Variants in EFHC2 observed in about 807,000 individuals in gnomAD.
EFHC2 encodes the protein EF-hand domain-containing family member C2.
In EFHC2, 18 loss-of-function variants were observed where a neutral mutation model predicts 52.7. That is an observed-to-expected ratio of 0.34 (90% CI 0.24 to 0.51). The LOEUF is 0.51. EFHC2 is among the 20% of genes least tolerant of loss of function. The pLI is 0.97. For synonymous variants in EFHC2, 203 were observed against 204.1 expected (o/e 0.99, Z 0.04); for missense variants, 513 against 562.5 (o/e 0.91, Z 0.89).
Position 44,312,627 on chromosome X carries a change from T to C in EFHC2, c.172A>G (p.Ser58Gly). Residue 58 changes from serine to glycine, a missense_variant, in exon 2 of 15, where the codon AGC becomes GGC. Coordinates refer to ENST00000420999, the MANE Select transcript of EFHC2 (RefSeq NM_025184.4). ...CTTCCATCTCCTTTAGGATATATGC[T>C]ACATTTAGGCTTTATCTTTTGCCCC... is the stretch of plus-strand genomic sequence containing the variant. ...LLGQKIKPKC[S>G]IYPKGDGSDV... The C allele has an allele frequency of 8.3e-7, 1 of 1,210,383 alleles. No homozygotes were observed. The highest frequency in any genetic ancestry group is 1.1e-6 in the Non-Finnish European group (1 of 894,835).
intron 2 of EFHC2, among the ~76,000 whole-genome samples, chrX:44,280,131 C>G (rs1487215699): frequency 9.2e-6 from 1 of 109,278 alleles, no homozygotes; most frequent in East Asian, 2.9e-4. Flanking sequence ...CAAGTGATTA[C>G]AAACTGCAAG....
At chrX:44,162,443 CA>C (rs1204314109) in intron 14 of EFHC2, among the ~76,000 whole-genome samples, 1 of 111,267 alleles carries the variant, frequency 9.0e-6, no homozygotes, top group African/African-American at 3.3e-5. Context: ...ACCATCCAGC[CA>C]AAGCAAGTTC....
intron 11 of EFHC2, among the ~76,000 whole-genome samples, chrX:44,217,314 G>A (rs767003332): frequency 5.4e-5 from 6 of 111,374 alleles, no homozygotes; most frequent in African/African-American, 1.6e-4. Context: ...ACAGTTTGGA[G>A]GTTTCTCAAA....
At chrX:44,202,720 G>A (rs1479238755) in intron 11 of EFHC2, among the ~76,000 whole-genome samples, 1 of 110,559 alleles carries the variant, frequency 9.0e-6, no homozygotes, top group African/African-American at 3.3e-5. Flanking sequence ...CTGCATTTGA[G>A]CCACTGCACC....
chrX:44,156,749 C>T (rs779713865), intron 14 of EFHC2, among the ~76,000 whole-genome samples: 3 of 112,106 alleles, frequency 2.7e-5, no homozygotes, highest in Non-Finnish European at 5.6e-5. Context: ...ATATGAGAAC[C>T]GATTTAGTGT....
At position 44,176,306 on chromosome X, in the gene EFHC2, T is replaced by C. The variant is rs2036785958; in HGVS notation, c.2028A>G (p.Glu676=). 2 of 1,197,978 alleles carry C rather than the reference T, an allele frequency of 1.7e-6. No individual in the cohort carries two copies. The highest frequency in any genetic ancestry group is 2.3e-6 in the Non-Finnish European group (2 of 887,104). ...SRLPLSDDLL[E]SLLSRFEDSE... ...CTCTAACTTACCTTGACAATAAGGATTCTAGAAGATCATCACTCAAAGGTA... is the reference window on the plus strand; with the variant it reads ...CTCTAACTTACCTTGACAATAAGGACTCTAGAAGATCATCACTCAAAGGTA... Residue 676 remains glutamate, a synonymous_variant, in exon 13 of 15, where the codon GAA becomes GAG. Transcript: ENST00000420999.
intron 13 of EFHC2, among the ~76,000 whole-genome samples, chrX:44,164,266 G>C (rs937693423): frequency 7.1e-5 from 8 of 111,984 alleles, no homozygotes; most frequent in Non-Finnish European, 1.5e-4. Flanking sequence ...GCACTTAGTA[G>C]GTGTTCAATA....
intron 11 of EFHC2, among the ~76,000 whole-genome samples, chrX:44,190,213 T>A (rs1303373200): frequency 8.9e-6 from 1 of 111,824 alleles, no homozygotes; most frequent in African/African-American, 3.3e-5. Flanking sequence ...ATCCTGGTAG[T>A]GTCCACCAGC....
At chrX:44,183,241 C>A in intron 11 of EFHC2, among the ~76,000 whole-genome samples, 1 of 111,819 alleles carries the variant, frequency 8.9e-6, no homozygotes, top group East Asian at 2.8e-4. Context: ...GTTTTGGCGA[C>A]AATTAGGTAG....
At chrX:44,310,493 A>C in intron 2 of EFHC2, 1 of 510,426 alleles carries the variant, frequency 2.0e-6, no homozygotes. Flanking sequence ...AGCGCGGCAA[A>C]GGAGAGTGAG....
chrX:44,339,998 G>A (rs897506889), intron 1 of EFHC2, among the ~76,000 whole-genome samples: 1 of 111,449 alleles, frequency 9.0e-6, no homozygotes, highest in East Asian at 2.8e-4. Flanking sequence ...TGAGTCCAAG[G>A]TACTGTCATT....
intron 11 of EFHC2, among the ~76,000 whole-genome samples, chrX:44,187,957 GA>G (rs199954943): frequency 3.2e-4 from 23 of 71,178 alleles, no homozygotes; most frequent in South Asian, 1.0e-3. Context: ...AGAAGTAAAA[GA>G]AAAAAAAAAG....
Position 44,276,517 on chromosome X carries a change from T to A in EFHC2, c.232-3681A>T, listed in dbSNP as rs185279960. Among the ~76,000 whole-genome samples, 12 of 112,330 alleles carry A rather than the reference T, an allele frequency of 1.1e-4. No homozygotes were observed. The East Asian group carries it at 3.1e-3, about 29-fold the overall frequency. On this transcript the variant is annotated intron_variant, in intron 2 of 14. Transcript: ENST00000420999. Reference sequence around the variant, plus strand: ...TGATTTCCTCATTACAAAGGAAAAATTTTAAATGTTAATGTTTCTGAATTC... The same window carrying A: ...TGATTTCCTCATTACAAAGGAAAAAATTTAAATGTTAATGTTTCTGAATTC...
intron 13 of EFHC2, among the ~76,000 whole-genome samples, chrX:44,164,913 T>G (rs1479942904): frequency 8.9e-6 from 1 of 111,960 alleles, no homozygotes; most frequent in East Asian, 2.8e-4. Flanking sequence ...AATTCTTCCT[T>G]AACCATAATA....
chrX:44,286,830 A>G (rs2147364131), intron 2 of EFHC2, among the ~76,000 whole-genome samples: 1 of 106,493 alleles, frequency 9.4e-6, no homozygotes, highest in South Asian at 4.2e-4. Context: ...CCTGGGCAAC[A>G]TAGTGAAACC....
chrX:44,164,558 C>T (rs2036681906), intron 13 of EFHC2, among the ~76,000 whole-genome samples: 1 of 111,582 alleles, frequency 9.0e-6, no homozygotes, highest in Non-Finnish European at 1.9e-5. Flanking sequence ...AATTTGCTAT[C>T]GTATAAATAT....
intron 3 of EFHC2, among the ~76,000 whole-genome samples, chrX:44,262,278 T>C (rs2037544578): frequency 9.2e-6 from 1 of 109,167 alleles, no homozygotes; most frequent in African/African-American, 3.3e-5. Context: ...GCAGATTGCT[T>C]GAGCCCAAGA....
At chrX:44,199,405 C>T (rs948167536) in intron 11 of EFHC2, among the ~76,000 whole-genome samples, 1 of 112,612 alleles carries the variant, frequency 8.9e-6, no homozygotes, top group African/African-American at 3.2e-5. Flanking sequence ...TTTCTTTATA[C>T]ATTACCCAGC....
intron 1 of EFHC2, among the ~76,000 whole-genome samples, chrX:44,315,786 C>G (rs66597124): frequency 0.16 from 17,837 of 110,290 alleles, 1,200 homozygotes; most frequent in African/African-American, 0.25. Context: ...GAGTGATGTA[C>G]TGCAGCTGAG....
Sources: gnomAD v4.1 joint callset for allele counts (sites outside exome capture counted in the v4.1 genomes callset) on GRCh38, gnomAD v4.1.1 for gene constraint, MANE v1.5 for transcripts, NCBI Gene and HGNC (gene_info 2026-07-23, HGNC 2026-07-21) for gene names.